Variants in LRRTM4 observed in about 807,000 individuals in gnomAD.
LRRTM4 encodes the protein leucine-rich repeat transmembrane neuronal protein 4.
Under a neutral mutation model 47.6 loss-of-function variants are expected in LRRTM4, and 25 were observed. The observed-to-expected ratio is 0.53, with a 90% confidence interval of 0.38 to 0.73. The LOEUF (loss-of-function observed/expected upper bound fraction) is 0.73. LRRTM4 is among the 30% of genes least tolerant of loss of function. The pLI is 0.00. For synonymous variants in LRRTM4, 311 were observed against 269.5 expected (o/e 1.15, Z -1.51); for missense variants, 638 against 713.4 (o/e 0.89, Z 1.20).
chr2:76,901,792 T>C (rs538862649), intron 3 of LRRTM4, among the ~76,000 whole-genome samples: 1 of 152,170 alleles, frequency 6.6e-6, no homozygotes, highest in African/African-American at 2.4e-5. Context: ...CATTGTTACA[T>C]GCACACTGGA....
chr2:77,017,560 A>T (rs1160175470), intron 3 of LRRTM4, among the ~76,000 whole-genome samples: 1 of 152,150 alleles, frequency 6.6e-6, no homozygotes, highest in Non-Finnish European at 1.5e-5. Context: ...CACATCTCTC[A>T]CGTGTTTGTG....
chr2:77,293,274 T>G (rs1227396181), intron 3 of LRRTM4, among the ~76,000 whole-genome samples: 1 of 152,136 alleles, frequency 6.6e-6, no homozygotes, highest in Admixed American at 6.6e-5. Flanking sequence ...TGTTGAGAAC[T>G]TATTTTATGC....
At chr2:77,252,178 C>A (rs902202810) in intron 3 of LRRTM4, among the ~76,000 whole-genome samples, 14 of 152,090 alleles carry the variant, frequency 9.2e-5, no homozygotes, top group Middle Eastern at 3.4e-3. Flanking sequence ...ATATCTAAGA[C>A]CTGAGATAGG....
At chr2:76,805,711 G>A (rs999985695) in intron 3 of LRRTM4, among the ~76,000 whole-genome samples, 1 of 152,272 alleles carries the variant, frequency 6.6e-6, no homozygotes, top group Non-Finnish European at 1.5e-5. Flanking sequence ...CATGTATGAA[G>A]CAGTATGTTA....
chr2:77,518,621 C>G lies in LRRTM4; in HGVS notation c.1248G>C (p.Glu416Asp), dbSNP rs1447647154. 1 of 1,613,400 alleles carries G rather than the reference C, an allele frequency of 6.2e-7. No individual in the cohort carries two copies. Among genetic ancestry groups the G allele is most frequent in the South Asian group, 1.1e-5 (1 of 91,074 alleles). ...PGFQIPGAEQ[E>D]YEHVSFHKII... ...TTTTGTGAAATGAAACATGCTCATA[C>G]TCTTGCTCTGCGCCAGGAATCTGAA... is the stretch of plus-strand genomic sequence containing the variant. The change falls in exon 3 of 4, where the codon GAG becomes GAC. Residue 416 changes from glutamate to aspartate, a missense_variant. Physicochemically the swap from Glu to Asp is conservative, Grantham distance 45 (BLOSUM62 2). Transcript: ENST00000409884.
chr2:77,351,720 T>C (rs1180970630), intron 3 of LRRTM4, among the ~76,000 whole-genome samples: 1 of 151,260 alleles, frequency 6.6e-6, no homozygotes, highest in Admixed American at 6.6e-5. Flanking sequence ...GTGATTTATA[T>C]TGAGTCATGA....
chr2:76,955,074 C>A (rs1675626938), intron 3 of LRRTM4, among the ~76,000 whole-genome samples: 1 of 151,672 alleles, frequency 6.6e-6, no homozygotes, highest in Non-Finnish European at 1.5e-5. Context: ...TCCACGAAAT[C>A]CTAAAGGGAA....
intron 3 of LRRTM4, among the ~76,000 whole-genome samples, chr2:77,514,733 G>A (rs543996932): frequency 2.6e-5 from 4 of 151,764 alleles, no homozygotes; most frequent in Non-Finnish European, 4.4e-5. Flanking sequence ...TTTTTTTAAT[G>A]TACAAAACAA....
intron 3 of LRRTM4, among the ~76,000 whole-genome samples, chr2:77,418,159 C>A (rs1260531851): frequency 6.6e-6 from 1 of 151,982 alleles, no homozygotes; most frequent in Non-Finnish European, 1.5e-5. Flanking sequence ...TAGCGTAGAC[C>A]CTAACTAAAT....
intron 3 of LRRTM4, among the ~76,000 whole-genome samples, chr2:76,804,612 C>T (rs1193747818): frequency 6.8e-6 from 1 of 148,032 alleles, no homozygotes; most frequent in Non-Finnish European, 1.5e-5. Flanking sequence ...GCATACTATA[C>T]ATATGCATAG....
intron 3 of LRRTM4, among the ~76,000 whole-genome samples, chr2:77,214,961 A>G (rs1674394962): frequency 6.6e-6 from 1 of 152,158 alleles, no homozygotes; most frequent in African/African-American, 2.4e-5. Flanking sequence ...AAATAAAATC[A>G]AAGTTCCAAT....
At chr2:76,983,057 ATT>A (rs77973354) in intron 3 of LRRTM4, among the ~76,000 whole-genome samples, 18,325 of 152,094 alleles carry the variant, frequency 0.12, 1,386 homozygotes, top group Admixed American at 0.2. Flanking sequence ...CACTATAAAT[ATT>A]GTGTCCTTTA....
intron 3 of LRRTM4, among the ~76,000 whole-genome samples, chr2:77,044,478 G>A (rs1240253267): frequency 1.3e-5 from 2 of 151,654 alleles, no homozygotes; most frequent in Non-Finnish European, 2.9e-5. Flanking sequence ...AGCTCTGAAA[G>A]TTGACATTCA....
intron 3 of LRRTM4, among the ~76,000 whole-genome samples, chr2:77,480,892 T>C (rs1459813777): frequency 6.7e-6 from 1 of 150,006 alleles, no homozygotes; most frequent in African/African-American, 2.5e-5. Context: ...GGATTTTCTC[T>C]TTTTTCAAGT....
intron 3 of LRRTM4, among the ~76,000 whole-genome samples, chr2:77,091,364 C>T (rs1670633008): frequency 7.1e-6 from 1 of 141,780 alleles, no homozygotes; most frequent in Admixed American, 6.9e-5. Context: ...CGCCAATATC[C>T]CATCCCGAAG....
At chr2:76,871,854 C>T (rs752244516) in intron 3 of LRRTM4, among the ~76,000 whole-genome samples, 4 of 152,138 alleles carry the variant, frequency 2.6e-5, no homozygotes, top group Non-Finnish European at 5.9e-5. Flanking sequence ...TGACAGCCAG[C>T]AAAAAATTTA....
intron 3 of LRRTM4, among the ~76,000 whole-genome samples, chr2:76,821,818 T>C (rs907328477): frequency 7.3e-5 from 11 of 151,354 alleles, no homozygotes; most frequent in African/African-American, 2.7e-4. Context: ...ATAAAGAAAA[T>C]ACAGCAGTCT....
intron 3 of LRRTM4, among the ~76,000 whole-genome samples, chr2:76,807,443 T>TATATACACATATATATATAC: frequency 1.0e-5 from 1 of 99,490 alleles, no homozygotes; most frequent in South Asian, 3.3e-4. Context: ...TATACGTATA[T>TATATACACATATATATATAC]ACATATATAT....
intron 3 of LRRTM4, among the ~76,000 whole-genome samples, chr2:76,802,459 A>C (rs529233521): frequency 6.6e-6 from 1 of 152,286 alleles, no homozygotes; most frequent in South Asian, 2.1e-4. Context: ...TTGATAAAAT[A>C]AATGGAAAGG....
Sources: gnomAD v4.1 joint callset for allele counts (sites outside exome capture counted in the v4.1 genomes callset) on GRCh38, gnomAD v4.1.1 for gene constraint, MANE v1.5 for transcripts, NCBI Gene and HGNC (gene_info 2026-07-23, HGNC 2026-07-21) for gene names.